Variants in TM9SF4 observed in about 807,000 individuals in gnomAD.
TM9SF4 encodes the protein dinucleotide oxidase disulfide thiol exchanger 3 superfamily member 4.
In TM9SF4, 26 loss-of-function variants were observed where a neutral mutation model predicts 90.4. That is an observed-to-expected ratio of 0.29 (90% CI 0.21 to 0.40). The LOEUF is 0.40. TM9SF4 is among the 10% of genes least tolerant of loss of function. The probability of loss-of-function intolerance (pLI) is 1.00; values close to 1 mark genes in which losing one functional copy is unlikely to be tolerated. For synonymous variants in TM9SF4, 293 were observed against 315.4 expected, an observed-to-expected ratio of 0.93 and a Z score of 0.75; for missense variants, 549 against 834.8, an observed-to-expected ratio of 0.66 and a Z score of 4.22.
At chr20:32,126,294 C>T (rs1365881482) in intron 1 of TM9SF4, among the ~76,000 whole-genome samples, 5 of 152,148 alleles carry the variant, frequency 3.3e-5, no homozygotes, top group African/African-American at 1.2e-4. Context: ...CTACCCAGAC[C>T]TTCTGAATCA....
In TM9SF4 at chr20:32,160,012, C is replaced by A. The variant is rs1569109691; in HGVS notation, c.1590C>A (p.Phe530Leu). ...CACAGGCTATCTGGGAGAATCAGTT[C>A]TATTACCTCTTTGGCTTCCTGTTCC... is the stretch of plus-strand genomic sequence containing the variant. ...FIFSAIWENQ[F>L]YYLFGFLFLV... Residue 530 changes from phenylalanine (F) to leucine (L), a missense_variant, in exon 16 of 18, where the codon TTC becomes TTA. By Grantham distance (22) the Phe-to-Leu change is conservative. Coordinates refer to ENST00000398022, the MANE Select transcript of TM9SF4 (RefSeq NM_014742.4). 1.9e-6 allele frequency: 3 copies of A among 1,614,100 alleles called. No individual in the cohort carries two copies. The highest frequency in any genetic ancestry group is 2.7e-5 in the African/African-American group (2 of 74,936).
In TM9SF4 at chr20:32,167,129, C is replaced by T. The variant is rs1276565201; in HGVS notation, c.*1685C>T. 1 of 151,838 alleles carries T rather than the reference C, an allele frequency of 6.6e-6. No homozygotes were observed. Among genetic ancestry groups the T allele is most frequent in the African/African-American group, 2.4e-5 (1 of 41,304 alleles). The allele number at this position is 151,838 out of a possible 1,614,324, so 9.4% of individuals were successfully genotyped here. On this transcript the variant is annotated 3_prime_UTR_variant, in exon 18 of 18. Coordinates refer to ENST00000398022, the MANE Select transcript of TM9SF4 (RefSeq NM_014742.4). ...TTTAGGGGGAATGGGAAACGGACAC[C>T]TCATAAAGGGTTCAAAGATCATCAA... is the stretch of plus-strand genomic sequence containing the variant.
intron 6 of TM9SF4, among the ~76,000 whole-genome samples, chr20:32,144,002 G>A (rs2046722085): frequency 6.6e-6 from 1 of 151,942 alleles, no homozygotes; most frequent in African/African-American, 2.4e-5. Context: ...CTGGAGTGCA[G>A]TGGCGCGATC....
chr20:32,141,564 G>T lies in TM9SF4; in HGVS notation c.297G>T (p.Lys99Asn), dbSNP rs1241087561. Residue 99 changes from lysine to asparagine, a missense_variant, in exon 4 of 18, where the codon AAG becomes AAT. By Grantham distance (94) the Lys-to-Asn change is moderately conservative. This residue lies in a region of TM9SF4 where 495 missense variants were observed against 711.7 expected (regional missense o/e 0.70). Transcript: ENST00000398022. The stretch of plus-strand genomic sequence containing the variant: ...AGGTTCTCATGAACAGCGAGAAGAA[G>T]TGTGAAGTTCTGTGCAGCCAGTCCA... ...PFQVLMNSEK[K>N]CEVLCSQSNK... 3.7e-6 allele frequency: 6 copies of T among 1,614,034 alleles called. No homozygotes were observed. The East Asian group carries it at 1.3e-4, about 36-fold the overall frequency.
chr20:32,135,814 G>C (rs2046586924), intron 2 of TM9SF4, among the ~76,000 whole-genome samples: 1 of 152,188 alleles, frequency 6.6e-6, no homozygotes. Flanking sequence ...AAGTGAAATT[G>C]CTGTGTCAAG....
At chr20:32,148,174 C>T (rs969916512) in intron 9 of TM9SF4, among the ~76,000 whole-genome samples, 3 of 152,154 alleles carry the variant, frequency 2.0e-5, no homozygotes, top group African/African-American at 7.2e-5. Flanking sequence ...AGGAAATTTA[C>T]AGGCAAGACA....
chr20:32,160,012 CTA>C lies in TM9SF4; in HGVS notation c.1592_1593del (p.Tyr531LeufsTer61). 1 of 1,614,218 alleles carries C rather than the reference CTA, an allele frequency of 6.2e-7. No homozygotes were observed. The highest frequency in any genetic ancestry group is 2.2e-5 in the East Asian group (1 of 44,892). On this transcript the variant is annotated frameshift_variant, in exon 16 of 18. Coordinates refer to ENST00000398022, the MANE Select transcript of TM9SF4 (RefSeq NM_014742.4). LOFTEE classifies it high-confidence loss of function. ...IFSAIWENQFYYLFGFLFLVF... is the reference protein window; with the variant it reads ...IFSAIWENQFXYLFGFLFLVF... ...CACAGGCTATCTGGGAGAATCAGTT[CTA>C]TTACCTCTTTGGCTTCCTGTTCCTT...
chr20:32,165,253 C>T (rs1285907432), intron 17 of TM9SF4, 42 bp from the exon 18 acceptor site: 8 of 1,611,430 alleles, frequency 5.0e-6, no homozygotes, highest in Non-Finnish European at 6.8e-6. Flanking sequence ...TGCAGCCTGG[C>T]ACTAAGCATG....
chr20:32,137,871 A>G (rs557631011), intron 3 of TM9SF4, among the ~76,000 whole-genome samples: 7 of 152,174 alleles, frequency 4.6e-5, no homozygotes, highest in Non-Finnish European at 1.0e-4. Context: ...TCTCCTTATT[A>G]TAAATAAGGG....
chr20:32,155,219 C>T, intron 13 of TM9SF4, 33 bp downstream of exon 13: 6 of 1,578,070 alleles, frequency 3.8e-6, no homozygotes, highest in Non-Finnish European at 5.2e-6. Context: ...CAGCCCCTCC[C>T]CAGCAAGCGA....
Position 32,150,889 on chromosome 20 carries a change from A to T in TM9SF4, c.1245+14A>T. 3 of 1,613,762 alleles carry T rather than the reference A, an allele frequency of 1.9e-6. No individual in the cohort carries two copies. Among genetic ancestry groups the T allele is most frequent in the Non-Finnish European group, 2.5e-6 (3 of 1,179,870 alleles). The stretch of plus-strand genomic sequence containing the variant: ...GGAGCCTTCTGTGTGAGTGTCCTAA[A>T]CCTTCTCTTGTTTGGTGGGAAGCAG... On this transcript the variant is annotated intron_variant, in intron 12 of 17. Transcript: ENST00000398022.
rs546243284 is a variant in TM9SF4 at position 32,133,813 on chromosome 20, C to T, written c.129+687C>T. On this transcript the variant is annotated intron_variant, in intron 2 of 17. Transcript: ENST00000398022. ...GACATAGGGTTAGTTCAAACCCCATCTCTATTTAGAGGAGACGTGGTCTTT... is the reference window on the plus strand; with the variant it reads ...GACATAGGGTTAGTTCAAACCCCATTTCTATTTAGAGGAGACGTGGTCTTT... 2.0e-5 allele frequency among the ~76,000 whole-genome samples: 3 copies of T among 152,192 alleles called. No homozygotes were observed. In the East Asian group the frequency reaches 5.8e-4, roughly 29 times the overall value.
chr20:32,163,268 A>AAAAAAATATATATAT (rs1555886757), intron 17 of TM9SF4, among the ~76,000 whole-genome samples: 26 of 74,420 alleles, frequency 3.5e-4, no homozygotes, highest in Admixed American at 1.7e-3. Flanking sequence ...AAAAAAAAAA[A>AAAAAAATATATATAT]ATATATATAT....
Position 32,132,999 on chromosome 20 carries a change from T to C in TM9SF4, c.16-14T>C. 1.2e-6 allele frequency: 2 copies of C among 1,611,942 alleles called. No individual in the cohort carries two copies. The highest frequency in any genetic ancestry group is 1.7e-6 in the Non-Finnish European group (2 of 1,178,232). On this transcript the variant is annotated splice_polypyrimidine_tract_variant and intron_variant, in intron 1 of 17. Coordinates refer to ENST00000398022, the MANE Select transcript of TM9SF4 (RefSeq NM_014742.4). ...TCTTCTCCCCAATCCAACCCTGGCC[T>C]CTCTTCTGAGCAGGATTGGTTGCCG...
chr20:32,159,854 C>A, intron 15 of TM9SF4, 138 bp from the exon 16 acceptor site: 1 of 1,261,100 alleles, frequency 7.9e-7, no homozygotes. Flanking sequence ...GGAAGAGGGG[C>A]CAGAGCCACA....
intron 1 of TM9SF4, chr20:32,110,153 C>G (rs955166767): frequency 1.2e-6 from 1 of 818,504 alleles, no homozygotes; most frequent in Non-Finnish European, 1.6e-6. Flanking sequence ...CTCCCCGCCT[C>G]CCCACCATCA....
intron 4 of TM9SF4, 40 bp downstream of exon 4, chr20:32,141,705 A>G (rs2046682403): frequency 6.2e-7 from 1 of 1,613,276 alleles, no homozygotes; most frequent in Non-Finnish European, 8.5e-7. Context: ...AGGCTCACAC[A>G]GGGGAGGACA....
Position 32,167,253 on chromosome 20 carries a change from C to T in TM9SF4, c.*1809C>T, listed in dbSNP as rs2047111235. On this transcript the variant is annotated 3_prime_UTR_variant, in exon 18 of 18. Transcript: ENST00000398022. ...GATTGTAAATAAATATACCATTGTCCTACTGTTTTGTCTTGAATCTCATGC... is the reference window on the plus strand; with the variant it reads ...GATTGTAAATAAATATACCATTGTCTTACTGTTTTGTCTTGAATCTCATGC... 6.6e-6 allele frequency: 1 copy of T among 151,902 alleles called. No individual in the cohort carries two copies. The highest frequency in any genetic ancestry group is 1.5e-5 in the Non-Finnish European group (1 of 67,986). The allele number at this position is 151,902 out of a possible 1,614,324, so 9.4% of individuals were successfully genotyped here. A position where few individuals can be genotyped will look rare whatever the true frequency, so the allele number is the denominator to read the frequency against.
chr20:32,136,744 G>A (rs1385422816), intron 3 of TM9SF4: 2 of 428,472 alleles, frequency 4.7e-6, no homozygotes, highest in East Asian at 1.5e-4. Context: ...AGAATTTCAG[G>A]TGTAGAGGTG....
Sources: gnomAD v4.1 joint callset for allele counts (sites outside exome capture counted in the v4.1 genomes callset) on GRCh38, gnomAD v4.1.1 for gene constraint, gnomAD v4.1.1 regional missense constraint, MANE v1.5 for transcripts, NCBI Gene and HGNC (gene_info 2026-07-23, HGNC 2026-07-21) for gene names.